The following PRKCB variants were observed in gnomAD, a reference collection of about 807,000 sequenced individuals.
The protein encoded by PRKCB is protein kinase C beta type.
A neutral mutation model predicts 81.5 loss-of-function variants in PRKCB; 13 were observed. The observed-to-expected ratio is 0.16, with a 90% confidence interval of 0.10 to 0.25. The LOEUF (loss-of-function observed/expected upper bound fraction) is 0.25, where lower values mean the gene tolerates loss of function less well. Among genes scored for constraint, PRKCB ranks in the 10% least tolerant of loss-of-function variants. The pLI, the probability that PRKCB is intolerant of heterozygous loss-of-function variation, is 1.00. For missense variants in PRKCB, 509 were observed against 875.7 expected (o/e 0.58, Z 5.29); for synonymous variants, 335 against 321.4 (o/e 1.04, Z -0.45).
intron 5 of PRKCB, among the ~76,000 whole-genome samples, chr16:24,086,922 T>A (rs1464552644): frequency 2.6e-5 from 4 of 152,200 alleles, no homozygotes; most frequent in Non-Finnish European, 4.4e-5. Flanking sequence ...TCTGACATAA[T>A]CTCAAAATGA....
At chr16:23,850,628 G>A (rs1962457163) in intron 2 of PRKCB, among the ~76,000 whole-genome samples, 1 of 152,186 alleles carries the variant, frequency 6.6e-6, no homozygotes, top group African/African-American at 2.4e-5. Flanking sequence ...GCCTTCCAAA[G>A]TGCTGGAATT....
At chr16:24,085,629 G>A (rs1444906380) in intron 5 of PRKCB, among the ~76,000 whole-genome samples, 3 of 152,166 alleles carry the variant, frequency 2.0e-5, no homozygotes, top group Non-Finnish European at 4.4e-5. Context: ...TTATCCAAGA[G>A]CCCATTTGAG....
chr16:23,858,344 T>C (rs147653343), intron 2 of PRKCB, among the ~76,000 whole-genome samples: 117 of 151,906 alleles, frequency 7.7e-4, no homozygotes, highest in African/African-American at 2.7e-3. Flanking sequence ...GCTCCGGGGG[T>C]CACAGAGGAG....
At chr16:24,033,102 G>A (rs1409226355) in intron 4 of PRKCB, among the ~76,000 whole-genome samples, 7 of 152,182 alleles carry the variant, frequency 4.6e-5, no homozygotes, top group African/African-American at 1.7e-4. Flanking sequence ...GAGCAGACAG[G>A]CTTTGAGAGC....
At chr16:23,965,660 C>A (rs1434745096) in intron 2 of PRKCB, among the ~76,000 whole-genome samples, 3 of 152,204 alleles carry the variant, frequency 2.0e-5, no homozygotes, top group Admixed American at 2.0e-4. Flanking sequence ...TGCAACATCG[C>A]TGTGAAAGTG....
At chr16:24,126,284 G>A (rs2141930936) in intron 9 of PRKCB, among the ~76,000 whole-genome samples, 1 of 152,326 alleles carries the variant, frequency 6.6e-6, no homozygotes, top group Non-Finnish European at 1.5e-5. Flanking sequence ...AGGAAGAATT[G>A]AGGCATTGAG....
In PRKCB at chr16:23,899,644, C is replaced by CTGTG. The variant is rs1224002439; in HGVS notation, c.205+62259_205+62262dup. On this transcript the variant is annotated intron_variant, in intron 2 of 16. Coordinates refer to ENST00000643927, the MANE Select transcript of PRKCB (RefSeq NM_002738.7). ...TCTCTCTCTCTCTCTCTCTCTCTCT[C>CTGTG]TGTGTGTGTGTGTGTGTGTGTGTGG... is the stretch of plus-strand genomic sequence containing the variant. Among the ~76,000 whole-genome samples, 45 of 5,802 alleles carry CTGTG rather than the reference C, an allele frequency of 7.8e-3. 8 individuals are homozygous for CTGTG. Among genetic ancestry groups the CTGTG allele is most frequent in the African/African-American group, 9.6e-3 (45 of 4,696 alleles). 3.8% of individuals were successfully genotyped at this position (5,802 alleles called of 152,430 possible). A position where few individuals can be genotyped will look rare whatever the true frequency, so the allele number is the denominator to read the frequency against.
intron 8 of PRKCB, among the ~76,000 whole-genome samples, chr16:24,116,284 C>A (rs1376814443): frequency 6.6e-6 from 1 of 151,790 alleles, no homozygotes; most frequent in African/African-American, 2.4e-5. Context: ...GGGCCAGGCA[C>A]GGTGGCTCAT....
intron 2 of PRKCB, among the ~76,000 whole-genome samples, chr16:23,952,487 G>T (rs764427944): frequency 6.6e-6 from 1 of 152,130 alleles, no homozygotes; most frequent in South Asian, 2.1e-4. Flanking sequence ...AAGAGATGAG[G>T]GGGTGTTTAG....
chr16:24,070,736 G>C (rs922149290), intron 5 of PRKCB, among the ~76,000 whole-genome samples: 2 of 152,194 alleles, frequency 1.3e-5, no homozygotes, highest in African/African-American at 4.8e-5. Context: ...CCGCAGCCAG[G>C]AAGTGGTATC....
At chr16:24,138,781 G>C (rs1443832054) in intron 9 of PRKCB, among the ~76,000 whole-genome samples, 2 of 149,340 alleles carry the variant, frequency 1.3e-5, no homozygotes. Context: ...CCACCATTCT[G>C]CTCTCTGTTT....
rs1403610158 is a variant in PRKCB, at chr16:24,096,663, AAAAATATATATAT to A, written c.821+2368_821+2380del. Among the ~76,000 whole-genome samples, 157 of 49,660 alleles carry A rather than the reference AAAAATATATATAT, an allele frequency of 3.2e-3. 2 individuals are homozygous for A. The highest frequency in any genetic ancestry group is 9.7e-3 in the Admixed American group (44 of 4,542). The allele number at this position is 49,660 out of a possible 152,430, so 32.6% of individuals were successfully genotyped here. A position where few individuals can be genotyped will look rare whatever the true frequency, so the allele number is the denominator to read the frequency against. On this transcript the variant is annotated intron_variant, in intron 7 of 16. Coordinates refer to ENST00000643927, the MANE Select transcript of PRKCB (RefSeq NM_002738.7). ...CTCCCTTCCTATGGCAAAAAAAAAAAAAAATATATATATATATATATATATATATATATATATA... is the reference window on the plus strand; with the variant it reads ...CTCCCTTCCTATGGCAAAAAAAAAAAATATATATATATATATATATATATA...
chr16:23,973,608 C>T (rs969623191), intron 2 of PRKCB, among the ~76,000 whole-genome samples: 6 of 152,174 alleles, frequency 3.9e-5, no homozygotes, highest in African/African-American at 1.2e-4. Flanking sequence ...CAAATGGGAA[C>T]ATACAGTGAG....
intron 3 of PRKCB, among the ~76,000 whole-genome samples, chr16:24,028,129 C>T (rs1965505474): frequency 6.6e-6 from 1 of 152,086 alleles, no homozygotes; most frequent in Non-Finnish European, 1.5e-5. Context: ...TGCTCTGTCG[C>T]CCAGGCTGGA....
chr16:23,877,408 A>G (rs932546341), intron 2 of PRKCB, among the ~76,000 whole-genome samples: 1 of 152,196 alleles, frequency 6.6e-6, no homozygotes, highest in Non-Finnish European at 1.5e-5. Context: ...AGTCTGGGGA[A>G]GGAGCTTCTG....
At chr16:24,166,178 G>A (rs556421792) in intron 10 of PRKCB, among the ~76,000 whole-genome samples, 5 of 151,890 alleles carry the variant, frequency 3.3e-5, no homozygotes, top group South Asian at 2.1e-4. Context: ...CACTGCACCC[G>A]GTCCAGATAT....
intron 2 of PRKCB, among the ~76,000 whole-genome samples, chr16:23,986,358 A>T (rs777710573): frequency 3.3e-5 from 5 of 152,000 alleles, no homozygotes; most frequent in Non-Finnish European, 7.4e-5. Context: ...GGCTCAAGCG[A>T]TCCTCCCACC....
At chr16:23,967,231 C>G (rs1486573002) in intron 2 of PRKCB, among the ~76,000 whole-genome samples, 1 of 152,214 alleles carries the variant, frequency 6.6e-6, no homozygotes, top group African/African-American at 2.4e-5. Context: ...GCAGATGACG[C>G]TGCCACCAGG....
At chr16:23,940,754 A>G (rs1014098502) in intron 2 of PRKCB, among the ~76,000 whole-genome samples, 27 of 152,192 alleles carry the variant, frequency 1.8e-4, no homozygotes, top group African/African-American at 6.5e-4. Flanking sequence ...TAGAAAAATT[A>G]TAAGACGAGA....
Sources: allele counts gnomAD v4.1 joint callset (sites outside exome capture counted in the v4.1 genomes callset), GRCh38; gene constraint gnomAD v4.1.1; transcripts MANE v1.5; gene names NCBI Gene and HGNC (gene_info 2026-07-23, HGNC 2026-07-21).